PCDHA1: variants seen among roughly 807,000 people sequenced by gnomAD.
PCDHA1 encodes protocadherin alpha 1, also known as protocadherin alpha-1.
A neutral mutation model predicts 61.3 loss-of-function variants in PCDHA1; 42 were observed. The observed-to-expected ratio is 0.69, with a 90% CI of 0.54 to 0.89. PCDHA1 has a LOEUF of 0.89. PCDHA1 is among the 40% of genes least tolerant of loss of function. The pLI is 0.00. For missense variants in PCDHA1, 1,256 were observed against 1,235.3 expected, an observed-to-expected ratio of 1.02 and a Z score of -0.25; for synonymous variants, 610 against 553.8, an observed-to-expected ratio of 1.10 and a Z score of -1.43.
Position 140,812,326 on chromosome 5 carries a change from G to A in PCDHA1, c.2394+23642G>A, listed in dbSNP as rs1014995248. The A allele has an allele frequency of 6.6e-5, 10 of 152,006 alleles. No individual in the cohort carries two copies. The East Asian group carries it at 1.9e-3, about 29-fold the overall frequency. The allele number at this position is 152,006 out of a possible 1,614,324, so 9.4% of individuals were successfully genotyped here. On this transcript the variant is annotated intron_variant, in intron 1 of 3. Coordinates refer to ENST00000504120, the MANE Select transcript of PCDHA1 (RefSeq NM_018900.4). ...ATTTTAAAAGCCTCTTATAATTGTGGCATCAGGTGTAATGCCACCTCTTTT... is the reference window on the plus strand; with the variant it reads ...ATTTTAAAAGCCTCTTATAATTGTGACATCAGGTGTAATGCCACCTCTTTT...
chr5:140,887,654 G>A (rs2061529435), intron 1 of PCDHA1, among the ~76,000 whole-genome samples: 1 of 151,712 alleles, frequency 6.6e-6, no homozygotes, highest in South Asian at 2.1e-4. Context: ...TGATATTCTT[G>A]GATCTGTGGA....
rs1554151505 is a variant in PCDHA1 at position 140,858,367 on chromosome 5, C to T, written c.2394+69683C>T. 1.8e-5 allele frequency: 28 copies of T among 1,590,300 alleles called. 2 individuals carry two copies. Among genetic ancestry groups the T allele is most frequent in the Non-Finnish European group, 2.3e-5 (27 of 1,162,754 alleles). On this transcript the variant is annotated intron_variant, in intron 1 of 3. Transcript: ENST00000504120. ...CGGACCTCATGGCCTTCAGCCCCAG[C>T]CTTCCACCATGCCCAATGGTAGATG...
intron 1 of PCDHA1, chr5:140,834,305 T>C (rs2150215189): frequency 1.5e-6 from 2 of 1,328,712 alleles, no homozygotes; most frequent in African/African-American, 1.5e-5. Flanking sequence ...CACATCGAGA[T>C]TGAAATGAAG....
chr5:140,876,803 A>G lies in PCDHA1; in HGVS notation c.2394+88119A>G, dbSNP rs201565376. The G allele has an allele frequency of 1.6e-4, 261 of 1,614,140 alleles. 4 individuals are homozygous for G. In the East Asian group the frequency reaches 3.7e-3, roughly 23 times the overall value. On this transcript the variant is annotated intron_variant, in intron 1 of 3. Coordinates refer to ENST00000504120, the MANE Select transcript of PCDHA1 (RefSeq NM_018900.4). ...TGGGCCACGGCTAGAGTGTCCGTGG[A>G]GGTGGCCGACGTGAACGACAATGCG...
intron 1 of PCDHA1, among the ~76,000 whole-genome samples, chr5:140,901,030 C>G (rs1382384435): frequency 6.6e-6 from 1 of 152,116 alleles, no homozygotes; most frequent in Admixed American, 6.5e-5. Context: ...CTATTCAACT[C>G]TTTTGCCCAT....
chr5:140,817,900 A>T (rs1254182775), intron 1 of PCDHA1, among the ~76,000 whole-genome samples: 2 of 152,198 alleles, frequency 1.3e-5, no homozygotes, highest in Non-Finnish European at 2.9e-5. Context: ...CACTTTTAAG[A>T]TGACATTCCA....
At chr5:140,811,756 A>G (rs1376410604) in intron 1 of PCDHA1, 18 of 152,164 alleles carry the variant, frequency 1.2e-4, no homozygotes, top group Non-Finnish European at 2.4e-4. Flanking sequence ...ACCAGTGATG[A>G]TGGGCATTTT....
In PCDHA1 at chr5:140,823,940, G is replaced by C. The variant is rs2150130604; in HGVS notation, c.2394+35256G>C. The C allele has an allele frequency of 2.5e-5, 40 of 1,613,848 alleles. No individual in the cohort carries two copies. The highest frequency in any genetic ancestry group is 3.2e-5 in the Non-Finnish European group (38 of 1,179,972). Reference sequence around the variant, plus strand: ...CTGCTGCTGTACACCGCGCTGCGGTGCTCGGCGCAGCCCACCGAGGCCGTG... The same window carrying C: ...CTGCTGCTGTACACCGCGCTGCGGTCCTCGGCGCAGCCCACCGAGGCCGTG... On this transcript the variant is annotated intron_variant, in intron 1 of 3. Transcript: ENST00000504120.
intron 1 of PCDHA1, among the ~76,000 whole-genome samples, chr5:140,924,530 C>T (rs1263885513): frequency 6.6e-6 from 1 of 152,002 alleles, no homozygotes; most frequent in Non-Finnish European, 1.5e-5. Context: ...AGAGAATGCC[C>T]GAGCTACCCC....
Position 141,010,391 on chromosome 5 carries a change from C to T in PCDHA1, c.*454C>T, listed in dbSNP as rs976643195. The T allele has an allele frequency of 2.2e-5, 30 of 1,386,642 alleles. No homozygotes were observed. Among genetic ancestry groups the T allele is most frequent in the South Asian group, 2.9e-5 (2 of 68,924 alleles). The allele number at this position is 1,386,642 out of a possible 1,614,324, so 85.9% of individuals were successfully genotyped here. A position where few individuals can be genotyped will look rare whatever the true frequency, so the allele number is the denominator to read the frequency against. The stretch of plus-strand genomic sequence containing the variant: ...TGCGAGTGCCAGATATTGGCTGAGA[C>T]GAGCCAGCTTAGACTAATTGGTACA... On this transcript the variant is annotated 3_prime_UTR_variant, in exon 4 of 4. Transcript: ENST00000504120.
rs1428912120 is a variant in PCDHA1, at chr5:140,786,234, A to T, written c.-57A>T. ...AGATAAATGATTGGAAATATTAGATAAAATGGCATGATTTTGAAGTAAGAG... is the reference window on the plus strand; with the variant it reads ...AGATAAATGATTGGAAATATTAGATTAAATGGCATGATTTTGAAGTAAGAG... On this transcript the variant is annotated 5_prime_UTR_variant, in exon 1 of 4. The change abolishes the stop of an existing upstream ORF in the 5' untranslated region. Coordinates refer to ENST00000504120, the MANE Select transcript of PCDHA1 (RefSeq NM_018900.4). The T allele has an allele frequency of 6.6e-7, 1 of 1,515,396 alleles. No homozygotes were observed. The highest frequency in any genetic ancestry group is 8.8e-7 in the Non-Finnish European group (1 of 1,131,516). The allele number at this position is 1,515,396 out of a possible 1,614,324, so 93.9% of individuals were successfully genotyped here.
At chr5:140,857,050 G>T in intron 1 of PCDHA1, 1 of 1,595,508 alleles carries the variant, frequency 6.3e-7, no homozygotes, top group Non-Finnish European at 8.6e-7. Flanking sequence ...GTCACTGCAC[G>T]GTCCTAGTGG....
rs571650734 is a variant in PCDHA1 at position 140,851,052 on chromosome 5, C to T, written c.2394+62368C>T. On this transcript the variant is annotated intron_variant, in intron 1 of 3. Transcript: ENST00000504120. Reference sequence around the variant, plus strand: ...CCCTTAACATTGGAGCCGACTTTGTCTTGACTTCTAGTGAGAATTATAAAC... The same window carrying T: ...CCCTTAACATTGGAGCCGACTTTGTTTTGACTTCTAGTGAGAATTATAAAC... 5 of 1,384,048 alleles carry T rather than the reference C, an allele frequency of 3.6e-6. No individual in the cohort carries two copies. The African/African-American group carries it at 5.9e-5, about 16-fold the overall frequency. The allele number at this position is 1,384,048 out of a possible 1,614,324, so 85.7% of individuals were successfully genotyped here.
In PCDHA1 at chr5:140,835,338, C is replaced by T. The variant is rs2150234126; in HGVS notation, c.2394+46654C>T. The T allele has an allele frequency of 1.4e-5, 22 of 1,613,678 alleles. No individual in the cohort carries two copies. The South Asian group carries it at 2.2e-4, about 16-fold the overall frequency. ...TGAAGAAAGTAGAGCACACAAGATCCCAGTCGAGGCTGTCGATAAAGGCTT... is the reference window on the plus strand; with the variant it reads ...TGAAGAAAGTAGAGCACACAAGATCTCAGTCGAGGCTGTCGATAAAGGCTT... On this transcript the variant is annotated intron_variant, in intron 1 of 3. Transcript: ENST00000504120.
At chr5:140,876,916 G>A (rs2056692894) in intron 1 of PCDHA1, 3 of 1,613,960 alleles carry the variant, frequency 1.9e-6, no homozygotes, top group Non-Finnish European at 2.5e-6. Flanking sequence ...GGCATGGGAC[G>A]CGGACGCGCA....
chr5:140,805,362 T>C (rs1216657380), intron 1 of PCDHA1: 1 of 1,176,964 alleles, frequency 8.5e-7, no homozygotes, highest in Non-Finnish European at 1.1e-6. Context: ...ATAGTTTGGG[T>C]CCCCACATAG....
chr5:140,945,001 G>GT (rs2093723326), intron 1 of PCDHA1, among the ~76,000 whole-genome samples: 1 of 151,990 alleles, frequency 6.6e-6, no homozygotes, highest in South Asian at 2.1e-4. Context: ...ACGGTTGTGG[G>GT]TCATGAATTA....
intron 1 of PCDHA1, chr5:140,863,119 A>G: frequency 1.7e-6 from 1 of 591,284 alleles, no homozygotes. Context: ...GGCGAAAGCT[A>G]CGCGCCACCG....
Position 140,842,669 on chromosome 5 carries a change from G to A in PCDHA1, c.2394+53985G>A, listed in dbSNP as rs1554139258. 2.5e-6 allele frequency: 4 copies of A among 1,595,384 alleles called. No homozygotes were observed. The highest frequency in any genetic ancestry group is 3.4e-5 in the Admixed American group (2 of 59,244). ...GTCTGTGGAGGTGGCCGACGTGAAC[G>A]ACAATGCTCCGGCGTTCGCGCAGCC... On this transcript the variant is annotated intron_variant, in intron 1 of 3. Transcript: ENST00000504120.
Sources: gnomAD v4.1 joint callset for allele counts (sites outside exome capture counted in the v4.1 genomes callset) on GRCh38, gnomAD v4.1.1 for gene constraint, MANE v1.5 for transcripts, NCBI Gene and HGNC (gene_info 2026-07-23, HGNC 2026-07-21) for gene names.